Variants in SPOCK1 observed in about 807,000 individuals in gnomAD.
The protein encoded by SPOCK1 is SPARC (osteonectin), cwcv and kazal like domains proteoglycan 1, also known as testican-1.
Under a neutral mutation model 55.3 loss-of-function variants are expected in SPOCK1, and 23 were observed. The ratio of observed to expected loss-of-function variants is 0.42; its 90% CI spans 0.30 to 0.59. SPOCK1 has a LOEUF of 0.59. Among genes scored for constraint, SPOCK1 ranks in the 20% least tolerant of loss-of-function variants. The pLI is 0.22. For synonymous variants in SPOCK1, 226 were observed against 221.0 expected (o/e 1.02, Z -0.20); for missense variants, 499 against 552.5 (o/e 0.90, Z 0.97).
At chr5:137,340,609 G>A (rs760277578) in intron 2 of SPOCK1, among the ~76,000 whole-genome samples, 2 of 152,170 alleles carry the variant, frequency 1.3e-5, no homozygotes, top group Non-Finnish European at 2.9e-5. Context: ...AGCTAGGCAC[G>A]GTGGCTCACG....
chr5:137,266,568 C>G (rs963868842), intron 3 of SPOCK1, among the ~76,000 whole-genome samples: 1 of 152,104 alleles, frequency 6.6e-6, no homozygotes, highest in Non-Finnish European at 1.5e-5. Flanking sequence ...AGTTATTTAA[C>G]AAATAAAATC....
At chr5:137,177,002 C>A (rs1580791755) in intron 3 of SPOCK1, among the ~76,000 whole-genome samples, 1 of 152,154 alleles carries the variant, frequency 6.6e-6, no homozygotes, top group East Asian at 1.9e-4. Flanking sequence ...AGATCATGTC[C>A]TCCTCTGCCA....
intron 2 of SPOCK1, among the ~76,000 whole-genome samples, chr5:137,461,808 T>C (rs946372648): frequency 6.6e-6 from 1 of 152,190 alleles, no homozygotes; most frequent in East Asian, 1.9e-4. Flanking sequence ...ATCAGAAGTA[T>C]CTTCCAGCAA....
chr5:137,092,629 C>T (rs970172813), intron 5 of SPOCK1, among the ~76,000 whole-genome samples: 3 of 152,176 alleles, frequency 2.0e-5, no homozygotes, highest in South Asian at 2.1e-4. Flanking sequence ...AGGACAGAGA[C>T]GTTGCCTAGT....
intron 6 of SPOCK1, among the ~76,000 whole-genome samples, chr5:137,052,104 A>C (rs1274438967): frequency 6.6e-6 from 1 of 152,158 alleles, no homozygotes; most frequent in Non-Finnish European, 1.5e-5. Context: ...GACTGGACTA[A>C]AGCTGGAATG....
At chr5:137,152,751 C>T (rs1486247171) in intron 3 of SPOCK1, among the ~76,000 whole-genome samples, 2 of 152,148 alleles carry the variant, frequency 1.3e-5, no homozygotes, top group African/African-American at 4.8e-5. Flanking sequence ...TTCCCATTTC[C>T]TGCCAATATT....
intron 2 of SPOCK1, among the ~76,000 whole-genome samples, chr5:137,319,708 G>A (rs901471728): frequency 2.0e-5 from 3 of 152,098 alleles, no homozygotes; most frequent in Non-Finnish European, 4.4e-5. Flanking sequence ...CACTTTGGGA[G>A]GCCGAGGCGG....
chr5:137,151,590 A>G (rs1240867942), intron 3 of SPOCK1, among the ~76,000 whole-genome samples: 1 of 152,246 alleles, frequency 6.6e-6, no homozygotes, highest in Non-Finnish European at 1.5e-5. Flanking sequence ...AAGAACTCTC[A>G]TAAGCAAATT....
At chr5:137,051,061 C>G (rs529012479) in intron 6 of SPOCK1, among the ~76,000 whole-genome samples, 1 of 152,038 alleles carries the variant, frequency 6.6e-6, no homozygotes, top group African/African-American at 2.4e-5. Flanking sequence ...TTTTGAATAT[C>G]GTCGGAGAGA....
intron 2 of SPOCK1, among the ~76,000 whole-genome samples, chr5:137,394,548 T>C (rs1426983738): frequency 6.6e-6 from 1 of 152,194 alleles, no homozygotes; most frequent in Non-Finnish European, 1.5e-5. Flanking sequence ...TCAGCATTAG[T>C]GCTGGTGACC....
intron 2 of SPOCK1, among the ~76,000 whole-genome samples, chr5:137,273,928 G>A (rs547900225): frequency 6.6e-6 from 1 of 152,150 alleles, no homozygotes; most frequent in South Asian, 2.1e-4. Flanking sequence ...AAAATGAATA[G>A]CATTGTCATT....
At chr5:137,121,497 C>T (rs1381659631) in intron 4 of SPOCK1, among the ~76,000 whole-genome samples, 1 of 150,978 alleles carries the variant, frequency 6.6e-6, no homozygotes, top group East Asian at 1.9e-4. Context: ...GTGATTCACA[C>T]ACTTTGGAAC....
At chr5:137,430,795 G>A (rs1333187599) in intron 2 of SPOCK1, among the ~76,000 whole-genome samples, 1 of 152,148 alleles carries the variant, frequency 6.6e-6, no homozygotes, top group Non-Finnish European at 1.5e-5. Flanking sequence ...ACTGACTGTT[G>A]AGTGGCTGCC....
chr5:137,471,662 T>C (rs986950634), intron 2 of SPOCK1, among the ~76,000 whole-genome samples: 21 of 152,120 alleles, frequency 1.4e-4, no homozygotes, highest in African/African-American at 5.1e-4. Flanking sequence ...GAAGCAGTCC[T>C]TTCCTACCCA....
chr5:137,133,213 C>G (rs1753917149), intron 4 of SPOCK1, among the ~76,000 whole-genome samples: 1 of 151,622 alleles, frequency 6.6e-6, no homozygotes. Context: ...ACTAAAAATA[C>G]AAAAAAATTA....
chr5:137,417,007 T>C (rs1403193583), intron 2 of SPOCK1, among the ~76,000 whole-genome samples: 1 of 152,158 alleles, frequency 6.6e-6, no homozygotes, highest in Non-Finnish European at 1.5e-5. Context: ...GTAATATTTC[T>C]TTATGTATTT....
chr5:137,464,301 CAAAT>C (rs1434491242), intron 2 of SPOCK1, among the ~76,000 whole-genome samples: 7 of 151,948 alleles, frequency 4.6e-5, no homozygotes, highest in East Asian at 1.9e-4. Context: ...GATCTTGTCT[CAAAT>C]AAATAAATAA....
intron 2 of SPOCK1, among the ~76,000 whole-genome samples, chr5:137,472,690 G>A (rs929846997): frequency 1.3e-5 from 2 of 152,290 alleles, no homozygotes; most frequent in African/African-American, 2.4e-5. Flanking sequence ...TTTTAACAGC[G>A]TAACACAGGG....
intron 3 of SPOCK1, among the ~76,000 whole-genome samples, chr5:137,160,550 A>ATATAT (rs1754513511): frequency 2.6e-5 from 1 of 37,788 alleles, no homozygotes; most frequent in African/African-American, 1.2e-4. Flanking sequence ...AATATATATA[A>ATATAT]TATATATTAT....
Sources: gnomAD v4.1 joint callset for allele counts (sites outside exome capture counted in the v4.1 genomes callset) on GRCh38, gnomAD v4.1.1 for gene constraint, MANE v1.5 for transcripts, NCBI Gene and HGNC (gene_info 2026-07-23, HGNC 2026-07-21) for gene names.